MFSD11: variants seen among roughly 807,000 people sequenced by gnomAD.
MFSD11 encodes major facilitator superfamily domain containing 11.
A neutral mutation model predicts 53.5 loss-of-function variants in MFSD11; 36 were observed. The observed-to-expected ratio is 0.67, with a 90% CI of 0.52 to 0.89. The LOEUF (loss-of-function observed/expected upper bound fraction) is 0.89. Among genes scored for constraint, MFSD11 ranks in the 40% least tolerant of loss-of-function variants. The pLI is 0.00. For synonymous variants in MFSD11, 186 were observed against 184.9 expected (o/e 1.01, Z -0.05); for missense variants, 530 against 543.9 (o/e 0.97, Z 0.25).
At chr17:76,753,644 C>T (rs527886780) in intron 7 of MFSD11, among the ~76,000 whole-genome samples, 1 of 140,200 alleles carries the variant, frequency 7.1e-6, no homozygotes, top group South Asian at 2.2e-4. Context: ...GCTGAGATTG[C>T]ATCACAGCAC....
chr17:76,754,715 T>A (rs968848036), intron 8 of MFSD11, among the ~76,000 whole-genome samples: 13 of 150,790 alleles, frequency 8.6e-5, no homozygotes, highest in African/African-American at 1.2e-4. Flanking sequence ...GATTGCTTGC[T>A]ACTTCTTGGA....
chr17:76,769,607 C>A, intron 9 of MFSD11, 139 bp from the exon 10 acceptor site: 1 of 602,166 alleles, frequency 1.7e-6, no homozygotes, highest in Non-Finnish European at 2.8e-6. Context: ...TTATGCTCTG[C>A]TTGGGGATTA....
chr17:76,748,932 C>T (rs2429452), intron 7 of MFSD11, among the ~76,000 whole-genome samples: 97,576 of 151,600 alleles, frequency 0.64, 31,630 homozygotes, highest in East Asian at 0.75. Flanking sequence ...TCTTTTCTTC[C>T]TTCCCCTATA....
At chr17:76,737,466 C>T (rs1452842419), upstream of MFSD11, 6 of 366,522 alleles carry the variant, frequency 1.6e-5, no homozygotes, top group Non-Finnish European at 3.0e-5. Flanking sequence ...CCCGCCCCTA[C>T]CCGAAGCGCC....
At chr17:76,777,011 T>C (rs2081898660) in intron 12 of MFSD11, among the ~76,000 whole-genome samples, 1 of 151,890 alleles carries the variant, frequency 6.6e-6, no homozygotes, top group African/African-American at 2.4e-5. Flanking sequence ...CTCACACTTG[T>C]AATCCCAGCA....
Position 76,769,772 on chromosome 17 carries a change from G to T in MFSD11, c.775G>T (p.Val259Leu). 1 of 1,608,480 alleles carries T rather than the reference G, an allele frequency of 6.2e-7. No homozygotes were observed. The highest frequency in any genetic ancestry group is 8.5e-7 in the Non-Finnish European group (1 of 1,177,452). The change falls in exon 10 of 13, where the codon GTA (valine) becomes TTA (leucine). Residue 259 changes from valine (V) to leucine (L), a missense_variant. Coordinates refer to ENST00000685175, the MANE Select transcript of MFSD11 (RefSeq NM_001242532.5). ...TGLELTFFSG[V>L]YGTCIGATNK... ...TCTGGAATTAACTTTCTTCTCTGGT[G>T]TATATGGAACCTGTATTGGTGCTAC...
At chr17:76,751,660 A>G (rs2079061510) in intron 7 of MFSD11, among the ~76,000 whole-genome samples, 1 of 151,550 alleles carries the variant, frequency 6.6e-6, no homozygotes, top group South Asian at 2.1e-4. Context: ...TGATTGTGCC[A>G]GTGCATTCCA....
At chr17:76,784,432 C>G (rs1049041931), downstream of MFSD11, among the ~76,000 whole-genome samples, 1 of 152,044 alleles carries the variant, frequency 6.6e-6, no homozygotes, top group Non-Finnish European at 1.5e-5. Context: ...ACTTGGGAGG[C>G]TGAGGCAGGA....
chr17:76,737,228 C>G (rs140374091), upstream of MFSD11: 1 of 1,465,202 alleles, frequency 6.8e-7, no homozygotes, highest in African/African-American at 1.4e-5. Context: ...CGGTGCGACG[C>G]CGCGCCTCTC....
the MFSD11 span, among the ~76,000 whole-genome samples, chr17:76,787,582 G>A: frequency 6.7e-6 from 1 of 150,234 alleles, no homozygotes; most frequent in Non-Finnish European, 1.5e-5. Context: ...GAAAATGAAA[G>A]GCTTGATCAA....
chr17:76,786,144 A>ATTTTT (rs1158677966), downstream of MFSD11, among the ~76,000 whole-genome samples: 1 of 130,884 alleles, frequency 7.6e-6, no homozygotes, highest in Non-Finnish European at 1.6e-5. Flanking sequence ...AGCTCTTCTA[A>ATTTTT]TTTTTTTTTT....
In MFSD11 at chr17:76,743,381, C is replaced by T. The variant is rs776224931; in HGVS notation, c.438-17C>T. 2.6e-6 allele frequency: 4 copies of T among 1,531,232 alleles called. No individual in the cohort carries two copies. Among genetic ancestry groups the T allele is most frequent in the South Asian group, 2.5e-5 (2 of 80,978 alleles). The allele number at this position is 1,531,232 out of a possible 1,614,324, so 94.9% of individuals were successfully genotyped here. A position where few individuals can be genotyped will look rare whatever the true frequency, so the allele number is the denominator to read the frequency against. On this transcript the variant is annotated splice_polypyrimidine_tract_variant and intron_variant, in intron 5 of 12. Coordinates refer to ENST00000685175, the MANE Select transcript of MFSD11 (RefSeq NM_001242532.5). ...AAATAATTACCCAACATCCTATCCT[C>T]CCTTTTCTTCCCCCAGCTTGTTCTT... is the stretch of plus-strand genomic sequence containing the variant.
intron 8 of MFSD11, among the ~76,000 whole-genome samples, chr17:76,765,502 G>A (rs868287497): frequency 4.2e-5 from 5 of 120,194 alleles, no homozygotes; most frequent in Admixed American, 1.2e-4. Flanking sequence ...TTGCTCTGCC[G>A]CCTAGGGCGG....
chr17:76,771,502 A>G (rs927772465), intron 10 of MFSD11, among the ~76,000 whole-genome samples: 1 of 152,260 alleles, frequency 6.6e-6, no homozygotes, highest in South Asian at 2.1e-4. Context: ...CTGCCCATAT[A>G]GAGCTTATAT....
At chr17:76,755,957 G>A (rs1021944888) in intron 8 of MFSD11, among the ~76,000 whole-genome samples, 11 of 148,352 alleles carry the variant, frequency 7.4e-5, no homozygotes, top group African/African-American at 2.5e-4. Context: ...CCAAGTAGCT[G>A]GGATTACTGG....
At chr17:76,759,548 A>C (rs998984462) in intron 8 of MFSD11, among the ~76,000 whole-genome samples, 15 of 151,890 alleles carry the variant, frequency 9.9e-5, no homozygotes, top group Admixed American at 1.3e-4. Context: ...TCCGCCCCGC[A>C]GGTTTAAGCG....
At position 76,738,238 on chromosome 17, in the gene MFSD11, C is replaced by CCTACAT; in HGVS notation, c.-113_-112insACATCT. On this transcript the variant is annotated 5_prime_UTR_variant, in exon 1 of 13. Coordinates refer to ENST00000685175, the MANE Select transcript of MFSD11 (RefSeq NM_001242532.5). The stretch of plus-strand genomic sequence containing the variant: ...AAGTTGACAGCTTGGCTGCCTGGCT[C>CCTACAT]CTGCATCTGCCTTCTCCACTCACCA... 1.5e-6 allele frequency: 1 copy of CCTACAT among 685,218 alleles called. No individual in the cohort carries two copies. 42.4% of individuals were successfully genotyped at this position (685,218 alleles called of 1,614,324 possible). A position where few individuals can be genotyped will look rare whatever the true frequency, so the allele number is the denominator to read the frequency against.
At chr17:76,744,883 G>C (rs1425692252) in intron 7 of MFSD11, among the ~76,000 whole-genome samples, 1 of 152,204 alleles carries the variant, frequency 6.6e-6, no homozygotes, top group Non-Finnish European at 1.5e-5. Context: ...TGAGTGGCAG[G>C]GCCAGTGATG....
In MFSD11 at chr17:76,775,715, C is replaced by T. The variant is rs181963431; in HGVS notation, c.1049+544C>T. On this transcript the variant is annotated intron_variant, in intron 11 of 12. Transcript: ENST00000685175. ...TGAAAATCTGAAACTTTTCAAGGGC[C>T]AACATGATGCTCAAAGGGAAGTGTT... 6.5e-3 allele frequency among the ~76,000 whole-genome samples: 993 copies of T among 152,146 alleles called. 20 individuals are homozygous for T. The highest frequency in any genetic ancestry group is 4.5e-3 in the Non-Finnish European group (303 of 68,012).
Sources: allele counts gnomAD v4.1 joint callset (sites outside exome capture counted in the v4.1 genomes callset), GRCh38; gene constraint gnomAD v4.1.1; transcripts MANE v1.5; gene names NCBI Gene and HGNC (gene_info 2026-07-23, HGNC 2026-07-21).